The following MACROD2 variants were observed in gnomAD, a reference collection of about 807,000 sequenced individuals.
MACROD2 encodes the protein ADP-ribose glycohydrolase MACROD2.
Under a neutral mutation model 70.4 loss-of-function variants are expected in MACROD2, and 36 were observed. The ratio of observed to expected loss-of-function variants is 0.51; its 90% confidence interval spans 0.39 to 0.68. The LOEUF (loss-of-function observed/expected upper bound fraction) is 0.68, where lower values mean the gene tolerates loss of function less well. MACROD2 is among the 30% of genes least tolerant of loss of function. The probability of loss-of-function intolerance (pLI) is 0.00; values close to 1 mark genes in which losing one functional copy is unlikely to be tolerated. For synonymous variants in MACROD2, 172 were observed against 178.8 expected (o/e 0.96, Z 0.30); for missense variants, 496 against 538.4 (o/e 0.92, Z 0.78).
intron 8 of MACROD2, among the ~76,000 whole-genome samples, chr20:15,759,471 T>A (rs752393666): frequency 1.3e-5 from 2 of 152,188 alleles, no homozygotes; most frequent in Non-Finnish European, 2.9e-5. Flanking sequence ...ATAATTTACA[T>A]GTTTAATTGA....
intron 6 of MACROD2, among the ~76,000 whole-genome samples, chr20:15,373,430 G>C (rs1174367251): frequency 6.6e-6 from 1 of 151,952 alleles, no homozygotes; most frequent in African/African-American, 2.4e-5. Flanking sequence ...TTAGAGACAG[G>C]GTGCTGTTCT....
intron 8 of MACROD2, among the ~76,000 whole-genome samples, chr20:15,653,115 A>C (rs1224764658): frequency 6.6e-6 from 1 of 152,192 alleles, no homozygotes. Flanking sequence ...ACACTCTTCA[A>C]ATCCTAAACT....
chr20:14,254,215 T>C (rs889919752), intron 3 of MACROD2, among the ~76,000 whole-genome samples: 3 of 152,070 alleles, frequency 2.0e-5, no homozygotes, highest in Admixed American at 6.6e-5. Flanking sequence ...ACTATTATCA[T>C]TTTGCTTTTC....
At chr20:15,502,376 A>G (rs1296930816) in intron 8 of MACROD2, among the ~76,000 whole-genome samples, 5 of 152,186 alleles carry the variant, frequency 3.3e-5, no homozygotes, top group African/African-American at 1.2e-4. Context: ...ATGTGGTTGA[A>G]GCAGAGAGAC....
At chr20:15,006,979 G>A (rs2075042848) in intron 5 of MACROD2, among the ~76,000 whole-genome samples, 1 of 152,044 alleles carries the variant, frequency 6.6e-6, no homozygotes. Context: ...CTAAGGCTTT[G>A]CAAAATTTTG....
intron 7 of MACROD2, among the ~76,000 whole-genome samples, chr20:15,482,571 T>A (rs1280872476): frequency 6.6e-6 from 1 of 152,194 alleles, no homozygotes; most frequent in Non-Finnish European, 1.5e-5. Flanking sequence ...TAAACTCTTT[T>A]GTGCGAATAC....
At chr20:15,241,324 G>A (rs1222935895) in intron 6 of MACROD2, among the ~76,000 whole-genome samples, 1 of 152,170 alleles carries the variant, frequency 6.6e-6, no homozygotes, top group Admixed American at 6.5e-5. Flanking sequence ...ACATTCTACT[G>A]ATAGCAGTTT....
At chr20:14,463,846 T>G (rs1449469629) in intron 3 of MACROD2, among the ~76,000 whole-genome samples, 5 of 152,074 alleles carry the variant, frequency 3.3e-5, no homozygotes, top group East Asian at 1.9e-4. Flanking sequence ...TTATTGATTT[T>G]TGTATGTTGA....
chr20:15,246,935 A>T (rs941263317), intron 6 of MACROD2, among the ~76,000 whole-genome samples: 1 of 152,234 alleles, frequency 6.6e-6, no homozygotes, highest in Non-Finnish European at 1.5e-5. Context: ...TGTTATGCCA[A>T]CTGAAATAAA....
At chr20:14,426,088 C>A (rs1476695650) in intron 3 of MACROD2, among the ~76,000 whole-genome samples, 8 of 152,050 alleles carry the variant, frequency 5.3e-5, no homozygotes, top group African/African-American at 1.4e-4. Flanking sequence ...TTGTAATAAG[C>A]TTTCTGTGAG....
intron 4 of MACROD2, among the ~76,000 whole-genome samples, chr20:14,603,950 T>A (rs1437684415): frequency 6.6e-6 from 1 of 152,134 alleles, no homozygotes; most frequent in Non-Finnish European, 1.5e-5. Context: ...GGAAGGCAAT[T>A]CAAAACAAGC....
At chr20:14,365,761 T>C (rs1231483829) in intron 3 of MACROD2, among the ~76,000 whole-genome samples, 2 of 152,202 alleles carry the variant, frequency 1.3e-5, no homozygotes, top group Non-Finnish European at 2.9e-5. Context: ...TTAATTTCCC[T>C]CTGAGCACTG....
At chr20:15,456,029 G>GA (rs1434497015) in intron 7 of MACROD2, among the ~76,000 whole-genome samples, 1 of 152,096 alleles carries the variant, frequency 6.6e-6, no homozygotes, top group African/African-American at 2.4e-5. Flanking sequence ...ATGTCTCCGC[G>GA]AAAGTGGGCT....
chr20:15,700,424 T>C (rs2050440646), intron 8 of MACROD2, among the ~76,000 whole-genome samples: 1 of 152,228 alleles, frequency 6.6e-6, no homozygotes, highest in African/African-American at 2.4e-5. Flanking sequence ...GCTCTGCCGC[T>C]GCCCCAACTC....
At chr20:14,209,721 A>G (rs1324774882) in intron 3 of MACROD2, among the ~76,000 whole-genome samples, 1 of 152,146 alleles carries the variant, frequency 6.6e-6, no homozygotes, top group African/African-American at 2.4e-5. Flanking sequence ...TCCGAGCCAG[A>G]CATAAGAGGA....
At chr20:14,256,429 C>G (rs1462869908) in intron 3 of MACROD2, among the ~76,000 whole-genome samples, 2 of 152,036 alleles carry the variant, frequency 1.3e-5, no homozygotes, top group African/African-American at 4.8e-5. Flanking sequence ...TTCATGAATA[C>G]ATGATTATTG....
intron 8 of MACROD2, among the ~76,000 whole-genome samples, chr20:15,749,245 A>G (rs1056157587): frequency 1.3e-5 from 2 of 152,082 alleles, no homozygotes; most frequent in African/African-American, 4.8e-5. Flanking sequence ...AGTTTGTTCA[A>G]TACATCCAGA....
intron 7 of MACROD2, among the ~76,000 whole-genome samples, chr20:15,486,496 C>T (rs1384719153): frequency 6.6e-6 from 1 of 152,068 alleles, no homozygotes; most frequent in East Asian, 1.9e-4. Context: ...TAGACTTATC[C>T]CCTCTTATAT....
At chr20:14,566,026 T>G (rs983720038) in intron 4 of MACROD2, among the ~76,000 whole-genome samples, 1 of 152,132 alleles carries the variant, frequency 6.6e-6, no homozygotes, top group Non-Finnish European at 1.5e-5. Flanking sequence ...TTGAGTGTAC[T>G]ATCTGTTTCC....
Sources: allele counts gnomAD v4.1 joint callset (sites outside exome capture counted in the v4.1 genomes callset), GRCh38; gene constraint gnomAD v4.1.1; transcripts MANE v1.5; gene names NCBI Gene and HGNC (gene_info 2026-07-23, HGNC 2026-07-21).